PCDH11X: variants seen among roughly 807,000 people sequenced by gnomAD.
The protein encoded by PCDH11X is protocadherin-11 X-linked.
PCDH11X carries 18 observed loss-of-function variants against 53.3 expected under a neutral mutation model. The observed-to-expected ratio is 0.34, with a 90% CI of 0.23 to 0.50. PCDH11X has a LOEUF of 0.50. Ranked by LOEUF, PCDH11X falls within the 20% of genes least tolerant of loss-of-function variation. PCDH11X has a pLI of 0.98. For synonymous variants in PCDH11X, 279 were observed against 393.3 expected (o/e 0.71, Z 3.44); for missense variants, 570 against 1,032.4 (o/e 0.55, Z 6.14).
At chrX:92,317,714 A>G (rs1462164563) in intron 8 of PCDH11X, among the ~76,000 whole-genome samples, 3 of 111,776 alleles carry the variant, frequency 2.7e-5, no homozygotes, top group East Asian at 2.8e-4. Context: ...AGTGTAATAG[A>G]CAAGCTCACA....
At chrX:91,829,413 TACAC>T (rs756637346) in intron 4 of PCDH11X, among the ~76,000 whole-genome samples, 249 of 81,183 alleles carry the variant, frequency 3.1e-3, no homozygotes, top group African/African-American at 9.0e-3. Context: ...ATATATATAT[TACAC>T]ACACACACAC....
chrX:91,861,055 T>C (rs1388835174), intron 5 of PCDH11X, among the ~76,000 whole-genome samples: 1 of 111,699 alleles, frequency 9.0e-6, no homozygotes, highest in Non-Finnish European at 1.9e-5. Context: ...AGAAATGGTA[T>C]CAGCTCCTCT....
intron 6 of PCDH11X, among the ~76,000 whole-genome samples, chrX:92,188,044 A>G (rs942279840): frequency 1.8e-5 from 2 of 111,595 alleles, no homozygotes; most frequent in South Asian, 3.7e-4. Context: ...CCTTTCAAGG[A>G]TGAGGCTCAT....
At chrX:92,117,822 G>T (rs1397311180) in intron 6 of PCDH11X, among the ~76,000 whole-genome samples, 1 of 111,570 alleles carries the variant, frequency 9.0e-6, no homozygotes. Flanking sequence ...GAAACATAAG[G>T]CCTGAAGGAA....
intron 6 of PCDH11X, among the ~76,000 whole-genome samples, chrX:92,081,711 AACAC>A (rs34848503): frequency 3.4e-4 from 34 of 100,837 alleles, no homozygotes; most frequent in African/African-American, 8.9e-4. Flanking sequence ...CTGAGCCAAT[AACAC>A]ACACACACAC....
chrX:91,933,853 C>A (rs1347222677), intron 6 of PCDH11X, among the ~76,000 whole-genome samples: 1 of 110,039 alleles, frequency 9.1e-6, no homozygotes, highest in Non-Finnish European at 1.9e-5. Flanking sequence ...TTCTTATCCT[C>A]AAAAATTTTC....
intron 8 of PCDH11X, among the ~76,000 whole-genome samples, chrX:92,273,481 G>T (rs2148430089): frequency 9.0e-6 from 1 of 111,381 alleles, no homozygotes; most frequent in East Asian, 2.8e-4. Flanking sequence ...AGTCACAGGG[G>T]ATGTGATGGC....
At chrX:92,574,624 C>T (rs1202807158) in intron 10 of PCDH11X, among the ~76,000 whole-genome samples, 1 of 110,708 alleles carries the variant, frequency 9.0e-6, no homozygotes, top group Non-Finnish European at 1.9e-5. Context: ...ATTGAAATGC[C>T]CTTCAAGTAT....
At chrX:91,790,185 G>A (rs1393424437) in intron 1 of PCDH11X, among the ~76,000 whole-genome samples, 1 of 111,682 alleles carries the variant, frequency 9.0e-6, no homozygotes, top group African/African-American at 3.3e-5. Context: ...GGTTAAATTT[G>A]ATTTTAACCT....
intron 6 of PCDH11X, among the ~76,000 whole-genome samples, chrX:91,974,131 TTAACTG>T (rs1395141205): frequency 1.8e-5 from 2 of 111,741 alleles, no homozygotes; most frequent in East Asian, 5.6e-4. Flanking sequence ...GGATGACTGA[TTAACTG>T]TATATCAGTC....
intron 6 of PCDH11X, among the ~76,000 whole-genome samples, chrX:92,132,871 C>A (rs1035977275): frequency 9.3e-6 from 1 of 107,368 alleles, no homozygotes; most frequent in African/African-American, 3.4e-5. Flanking sequence ...AAAATAAACT[C>A]CATTGGATTA....
rs1056987199 is a variant in PCDH11X at position 92,548,783 on chromosome X, T to G, written c.3368-69481T>G. Among the ~76,000 whole-genome samples, 22 of 110,618 alleles carry G rather than the reference T, an allele frequency of 2.0e-4. No individual in the cohort carries two copies. The Admixed American group carries it at 2.1e-3, about 11-fold the overall frequency. ...AAAGAAGAAAAAGGTACACTTGTTT[T>G]TCAGTGATATGTTCGATCCATCATT... On this transcript the variant is annotated intron_variant, in intron 10 of 10. Transcript: ENST00000682573.
intron 4 of PCDH11X, chrX:91,834,686 T>C (rs1057416889): frequency 1.8e-5 from 2 of 109,946 alleles, no homozygotes; most frequent in African/African-American, 3.4e-5. Context: ...TCCAAAGATA[T>C]GGAATACACT....
intron 8 of PCDH11X, among the ~76,000 whole-genome samples, chrX:92,348,157 G>A (rs2069948415): frequency 1.8e-5 from 2 of 111,509 alleles, no homozygotes; most frequent in African/African-American, 6.5e-5. Context: ...GAAGCAAAAC[G>A]GTTCCTGAAG....
chrX:91,851,962 T>G (rs1938045054), intron 5 of PCDH11X, among the ~76,000 whole-genome samples: 1 of 110,477 alleles, frequency 9.1e-6, no homozygotes, highest in Non-Finnish European at 1.9e-5. Context: ...AAATTTCTCC[T>G]ACTCAAAGCA....
chrX:91,916,233 G>A (rs997764235), intron 6 of PCDH11X, among the ~76,000 whole-genome samples: 1 of 111,114 alleles, frequency 9.0e-6, no homozygotes, highest in Non-Finnish European at 1.9e-5. Flanking sequence ...GTCTGAAAGA[G>A]CACAAATAGA....
chrX:92,186,488 C>A (rs1446045895), intron 6 of PCDH11X, among the ~76,000 whole-genome samples: 1 of 110,610 alleles, frequency 9.0e-6, no homozygotes, highest in Non-Finnish European at 1.9e-5. Flanking sequence ...ATTAGCCAGG[C>A]GTGGTGGCAT....
intron 1 of PCDH11X, among the ~76,000 whole-genome samples, chrX:91,806,292 T>C (rs1936105673): frequency 8.8e-6 from 1 of 114,066 alleles, no homozygotes; most frequent in African/African-American, 3.2e-5. Context: ...TGATATCCAC[T>C]AGAAAATGTT....
chrX:92,599,566 T>C (rs1291325218), intron 10 of PCDH11X, among the ~76,000 whole-genome samples: 1 of 112,466 alleles, frequency 8.9e-6, no homozygotes, highest in Non-Finnish European at 1.9e-5. Flanking sequence ...TTCCCAGCCA[T>C]GTGGAACTGT....
Sources: allele counts gnomAD v4.1 joint callset (sites outside exome capture counted in the v4.1 genomes callset), GRCh38; gene constraint gnomAD v4.1.1; transcripts MANE v1.5; gene names NCBI Gene and HGNC (gene_info 2026-07-23, HGNC 2026-07-21).